STPG2: variants seen among roughly 807,000 people sequenced by gnomAD.
The protein encoded by STPG2 is sperm tail PG-rich repeat containing 2, also known as sperm-tail PG-rich repeat-containing protein 2.
STPG2 carries 56 observed loss-of-function variants against 54.2 expected under a neutral mutation model. The observed-to-expected ratio is 1.03, with a 90% CI of 0.83 to 1.29. STPG2 has a LOEUF of 1.29. STPG2 is among the 50% of genes most tolerant of loss of function. STPG2 has a pLI of 0.00. For missense variants in STPG2, 596 were observed against 544.9 expected, an observed-to-expected ratio of 1.09 and a Z score of -0.93; for synonymous variants, 200 against 181.8, an observed-to-expected ratio of 1.10 and a Z score of -0.81.
intron 9 of STPG2, among the ~76,000 whole-genome samples, chr4:97,745,293 C>T (rs1029883038): frequency 1.9e-4 from 28 of 148,026 alleles, no homozygotes; most frequent in Admixed American, 2.0e-4. Flanking sequence ...GAAAAGTGCC[C>T]TAAATTGGTC....
intron 10 of STPG2, among the ~76,000 whole-genome samples, chr4:97,636,778 C>T (rs1721552249): frequency 2.0e-5 from 3 of 152,104 alleles, no homozygotes; most frequent in Admixed American, 2.0e-4. Context: ...TACACTCTCC[C>T]AAGACTAAAC....
At chr4:98,010,693 T>A (rs911199045) in intron 5 of STPG2, among the ~76,000 whole-genome samples, 1 of 152,166 alleles carries the variant, frequency 6.6e-6, no homozygotes, top group Non-Finnish European at 1.5e-5. Context: ...TTTCTGGTTG[T>A]TTTGTAGAAT....
At chr4:97,859,518 G>A (rs1335429429) in intron 8 of STPG2, among the ~76,000 whole-genome samples, 1 of 147,956 alleles carries the variant, frequency 6.8e-6, no homozygotes, top group Non-Finnish European at 1.5e-5. Context: ...GGCAGGGAGT[G>A]CAGTGGGGCG....
At chr4:97,766,733 T>C (rs1409888192) in intron 9 of STPG2, among the ~76,000 whole-genome samples, 2 of 152,082 alleles carry the variant, frequency 1.3e-5, no homozygotes, top group Non-Finnish European at 2.9e-5. Context: ...GTAAGTTTTA[T>C]TTTGCTTTTG....
chr4:97,520,104 T>C (rs1360498152), intron 4 of STPG2, among the ~76,000 whole-genome samples: 3 of 151,990 alleles, frequency 2.0e-5, no homozygotes, highest in African/African-American at 7.2e-5. Context: ...AAAGCTTTTG[T>C]GTAAGTGGAG....
chr4:97,902,282 A>T (rs1020471237), intron 8 of STPG2, among the ~76,000 whole-genome samples: 2 of 152,134 alleles, frequency 1.3e-5, no homozygotes, highest in African/African-American at 2.4e-5. Flanking sequence ...CACAGGCAAC[A>T]AAAGCAAAAT....
chr4:97,777,330 T>A lies in STPG2; in HGVS notation c.1204+63443A>T, dbSNP rs201044083. ...TAGCCAATATTATACCATAAAATCA[T>A]CTCTTTCTTTAAATTAGACAGAAAG... On this transcript the variant is annotated intron_variant, in intron 9 of 10. Coordinates refer to ENST00000295268, the MANE Select transcript of STPG2 (RefSeq NM_174952.3). Among the ~76,000 whole-genome samples, 641 of 107,614 alleles carry A rather than the reference T, an allele frequency of 6.0e-3. 3 individuals carry two copies. The highest frequency in any genetic ancestry group is 0.031 in the South Asian group (116 of 3,750). 70.6% of individuals were successfully genotyped at this position (107,614 alleles called of 152,430 possible).
chr4:97,909,010 T>TACA (rs1553923999), intron 8 of STPG2, among the ~76,000 whole-genome samples: 1 of 143,202 alleles, frequency 7.0e-6, no homozygotes, highest in African/African-American at 2.5e-5. Flanking sequence ...AAACTTAAAG[T>TACA]ATAATAATAA....
intron 10 of STPG2, among the ~76,000 whole-genome samples, chr4:97,629,924 T>C (rs1447047098): frequency 3.9e-5 from 6 of 151,984 alleles, no homozygotes; most frequent in Admixed American, 6.6e-5. Flanking sequence ...GTGAAACTGA[T>C]ATGCCCATTA....
intron 4 of STPG2, among the ~76,000 whole-genome samples, chr4:97,497,918 A>G (rs1207345783): frequency 6.6e-6 from 1 of 151,828 alleles, no homozygotes; most frequent in African/African-American, 2.4e-5. Context: ...TTGCCTCAAT[A>G]TAACTTACTA....
chr4:98,015,564 G>A (rs943591196), intron 5 of STPG2, among the ~76,000 whole-genome samples: 3 of 152,200 alleles, frequency 2.0e-5, no homozygotes, highest in Non-Finnish European at 4.4e-5. Context: ...AACAACAGAT[G>A]CTGGAGAGGA....
chr4:97,574,441 T>TA lies in STPG2; in HGVS notation c.1321-15325dup, dbSNP rs375420912. Among the ~76,000 whole-genome samples the TA allele has an allele frequency of 2.2e-3, 323 of 146,176 alleles. 1 individual carries two copies. The highest frequency in any genetic ancestry group is 7.1e-3 in the African/African-American group (291 of 40,718). On this transcript the variant is annotated intron_variant, in intron 10 of 10. Coordinates refer to ENST00000295268, the MANE Select transcript of STPG2 (RefSeq NM_174952.3). The stretch of plus-strand genomic sequence containing the variant: ...AACAATTTATCTTTATAGACAGTTG[T>TA]AAAAAAAAAAAGTATGATTGGCAGA...
At chr4:97,632,128 CA>C (rs1721306810) in intron 10 of STPG2, among the ~76,000 whole-genome samples, 1 of 151,804 alleles carries the variant, frequency 6.6e-6, no homozygotes. Context: ...TTGATACCTT[CA>C]AAAAAGGTTA....
intron 3 of STPG2, among the ~76,000 whole-genome samples, chr4:98,116,252 C>CAAA (rs11373933): frequency 2.7e-5 from 4 of 147,052 alleles, no homozygotes; most frequent in South Asian, 2.1e-4. Flanking sequence ...TATTCTGAAA[C>CAAA]AAAAAAAAAA....
Position 97,983,599 on chromosome 4 carries a change from G to A in STPG2, c.613-2281C>T, listed in dbSNP as rs530985899. The stretch of plus-strand genomic sequence containing the variant: ...TGTGATATGCTCTCATCATTATCTC[G>A]TTTAGAACTTACTTTCTGAAATAAA... On this transcript the variant is annotated intron_variant, in intron 5 of 10. Transcript: ENST00000295268. Among the ~76,000 whole-genome samples, 14 of 152,184 alleles carry A rather than the reference G, an allele frequency of 9.2e-5. 1 individual carries two copies. The highest frequency in any genetic ancestry group is 6.2e-4 in the South Asian group (3 of 4,818).
chr4:97,749,826 T>C (rs1409150480), intron 9 of STPG2, among the ~76,000 whole-genome samples: 1 of 151,792 alleles, frequency 6.6e-6, no homozygotes, highest in South Asian at 2.1e-4. Context: ...TTGTTCTCTC[T>C]GCAGAAATGC....
intron 9 of STPG2, among the ~76,000 whole-genome samples, chr4:97,725,148 G>A (rs946210149): frequency 2.6e-5 from 4 of 151,978 alleles, no homozygotes; most frequent in South Asian, 4.1e-4. Flanking sequence ...GAAGGCAGTC[G>A]GGTGTTCTAC....
At chr4:97,857,101 A>G (rs1729362699) in intron 8 of STPG2, among the ~76,000 whole-genome samples, 1 of 152,156 alleles carries the variant, frequency 6.6e-6, no homozygotes, top group Non-Finnish European at 1.5e-5. Context: ...TTCACCAAAG[A>G]TACTGACTTG....
chr4:97,962,865 A>G (rs1027493306), intron 7 of STPG2, among the ~76,000 whole-genome samples: 1 of 152,198 alleles, frequency 6.6e-6, no homozygotes, highest in African/African-American at 2.4e-5. Context: ...GTGAAGAATA[A>G]ATACTATAAT....
Sources: allele counts gnomAD v4.1 joint callset (sites outside exome capture counted in the v4.1 genomes callset), GRCh38; gene constraint gnomAD v4.1.1; transcripts MANE v1.5; gene names NCBI Gene and HGNC (gene_info 2026-07-23, HGNC 2026-07-21).